CBL: variants seen among roughly 807,000 people sequenced by gnomAD.
The protein encoded by CBL is E3 ubiquitin-protein ligase CBL.
In CBL, 45 loss-of-function variants were observed where a neutral mutation model predicts 96.9. That is an observed-to-expected ratio of 0.46 (90% confidence interval 0.37 to 0.60). The LOEUF is 0.60. CBL is among the 20% of genes least tolerant of loss of function. CBL has a pLI of 0.00. For synonymous variants in CBL, 420 were observed against 426.8 expected (o/e 0.98, Z 0.20); for missense variants, 1,024 against 1,143.5 (o/e 0.90, Z 1.51).
intron 4 of CBL, 31 bp from the exon 5 acceptor site, chr11:119,274,801 G>C (rs2135300345): frequency 6.2e-7 from 1 of 1,604,568 alleles, no homozygotes; most frequent in Non-Finnish European, 8.5e-7. Flanking sequence ...CATCTGACCT[G>C]AATAGTCTGT....
intron 2 of CBL, among the ~76,000 whole-genome samples, chr11:119,250,394 T>C (rs939836333): frequency 4.6e-5 from 7 of 152,200 alleles, no homozygotes; most frequent in African/African-American, 1.7e-4. Context: ...GAAGGTCCCC[T>C]CTGTAGCTCT....
intron 2 of CBL, among the ~76,000 whole-genome samples, chr11:119,240,523 C>T (rs959233838): frequency 1.3e-5 from 2 of 152,132 alleles, no homozygotes; most frequent in Non-Finnish European, 2.9e-5. Flanking sequence ...AGAGTTTCTG[C>T]TGTAGCAGAA....
intron 1 of CBL, among the ~76,000 whole-genome samples, chr11:119,216,050 C>T (rs563893198): frequency 1.3e-5 from 2 of 152,256 alleles, no homozygotes; most frequent in African/African-American, 4.8e-5. Flanking sequence ...ACTGGGGATC[C>T]CAGCACTGGG....
At chr11:119,256,081 T>G (rs1949708724) in intron 2 of CBL, among the ~76,000 whole-genome samples, 1 of 151,828 alleles carries the variant, frequency 6.6e-6, no homozygotes, top group African/African-American at 2.4e-5. Context: ...ATTCAGTATT[T>G]ATGGAGTGAA....
intron 2 of CBL, among the ~76,000 whole-genome samples, chr11:119,270,454 T>A (rs1949837052): frequency 9.6e-6 from 1 of 103,776 alleles, no homozygotes; most frequent in Non-Finnish European, 2.0e-5. Flanking sequence ...TTTTTTTTTT[T>A]TTTTTTTTTT....
intron 4 of CBL, 121 bp from the exon 5 acceptor site, chr11:119,274,711 G>A (rs1949874978): frequency 1.1e-6 from 1 of 891,056 alleles, no homozygotes; most frequent in South Asian, 1.4e-5. Context: ...CTGAGTGATG[G>A]TATAATTAAA....
At chr11:119,242,218 C>CT (rs1949591667) in intron 2 of CBL, among the ~76,000 whole-genome samples, 1 of 151,972 alleles carries the variant, frequency 6.6e-6, no homozygotes, top group South Asian at 2.1e-4. Context: ...ATTTGGGAGA[C>CT]TAAGGAGGAT....
chr11:119,249,512 A>G (rs1949655275), intron 2 of CBL, among the ~76,000 whole-genome samples: 1 of 149,052 alleles, frequency 6.7e-6, no homozygotes. Flanking sequence ...GTGAGACGCC[A>G]CTGCACTCCA....
rs1039450765 is a variant in CBL at position 119,304,483 on chromosome 11, T to G, written c.*4702T>G. 3 of 233,214 alleles carry G rather than the reference T, an allele frequency of 1.3e-5. No individual in the cohort carries two copies. Among genetic ancestry groups the G allele is most frequent in the African/African-American group, 6.6e-5 (3 of 45,454 alleles). 14.4% of individuals were successfully genotyped at this position (233,214 alleles called of 1,614,324 possible). ...TTTGGTTCTTGGGTGGAGCTGGAAC[T>G]GCAGAGCTTTGCACCTAGTCCTTTC... On this transcript the variant is annotated 3_prime_UTR_variant, in exon 16 of 16. Coordinates refer to ENST00000264033, the MANE Select transcript of CBL (RefSeq NM_005188.4).
At chr11:119,268,426 T>G (rs1024585886) in intron 2 of CBL, among the ~76,000 whole-genome samples, 15 of 152,282 alleles carry the variant, frequency 9.9e-5, no homozygotes, top group Non-Finnish European at 1.6e-4. Context: ...TTTGAACTTG[T>G]GGGAAGTAAG....
At chr11:119,245,893 T>C (rs7114172) in intron 2 of CBL, among the ~76,000 whole-genome samples, 45,227 of 149,314 alleles carry the variant, frequency 0.3, 7,226 homozygotes, top group South Asian at 0.61. Context: ...ATAAATTAAC[T>C]AGTCTTTGGT....
At chr11:119,219,942 C>T (rs1229879940) in intron 1 of CBL, among the ~76,000 whole-genome samples, 5 of 150,308 alleles carry the variant, frequency 3.3e-5, no homozygotes, top group East Asian at 4.0e-4. Context: ...CTCCGCCTCC[C>T]GGGTTCAAGC....
In CBL at chr11:119,302,510, T is replaced by C. The variant is rs1950108283; in HGVS notation, c.*2729T>C. 4.3e-6 allele frequency: 1 copy of C among 232,852 alleles called. No individual in the cohort carries two copies. Among genetic ancestry groups the C allele is most frequent in the African/African-American group, 2.2e-5 (1 of 45,440 alleles). The allele number at this position is 232,852 out of a possible 1,614,324, so 14.4% of individuals were successfully genotyped here. ...TGCCATTTTGGGCAAGCCCTTCCGC[T>C]TGTCCCTTCCTAGTGGCTAATAAAG... On this transcript the variant is annotated 3_prime_UTR_variant, in exon 16 of 16. Transcript: ENST00000264033.
chr11:119,215,792 A>G (rs1949355095), intron 1 of CBL, among the ~76,000 whole-genome samples: 3 of 152,042 alleles, frequency 2.0e-5, no homozygotes, highest in South Asian at 2.1e-4. Flanking sequence ...GTGTCACTGC[A>G]CTCCAGCCTG....
chr11:119,247,806 C>T lies in CBL; in HGVS notation c.443+15111C>T, dbSNP rs983861777. On this transcript the variant is annotated intron_variant, in intron 2 of 15. Coordinates refer to ENST00000264033, the MANE Select transcript of CBL (RefSeq NM_005188.4). Reference sequence around the variant, plus strand: ...CAACTTGGGTGACAGAGCAAGGGTCCGTCTCAAATAAAAATTATAGTTTTA... The same window carrying T: ...CAACTTGGGTGACAGAGCAAGGGTCTGTCTCAAATAAAAATTATAGTTTTA... Among the ~76,000 whole-genome samples, 17 of 151,956 alleles carry T rather than the reference C, an allele frequency of 1.1e-4. 1 individual carries two copies. The highest frequency in any genetic ancestry group is 9.8e-4 in the Admixed American group (15 of 15,248).
At chr11:119,282,932 G>A (rs1035871190) in intron 9 of CBL, among the ~76,000 whole-genome samples, 60 of 151,208 alleles carry the variant, frequency 4.0e-4, no homozygotes, top group African/African-American at 1.4e-3. Context: ...TGCCTTCCCC[G>A]CGCCCCAAAA....
intron 1 of CBL, among the ~76,000 whole-genome samples, chr11:119,223,630 T>C (rs1301246065): frequency 3.3e-5 from 5 of 150,764 alleles, no homozygotes; most frequent in African/African-American, 4.9e-5. Context: ...TATTTTATTA[T>C]TTATTTATTT....
chr11:119,265,614 G>A (rs1041328932), intron 2 of CBL, among the ~76,000 whole-genome samples: 37 of 152,094 alleles, frequency 2.4e-4, no homozygotes, highest in Non-Finnish European at 4.3e-4. Context: ...GGCTGGGCGC[G>A]GTAGCTCACA....
Position 119,306,190 on chromosome 11 carries a change from TG to T in CBL, c.*6410del. 2.5e-6 allele frequency: 1 copy of T among 398,440 alleles called. No individual in the cohort carries two copies. The allele number at this position is 398,440 out of a possible 1,614,324, so 24.7% of individuals were successfully genotyped here. A position where few individuals can be genotyped will look rare whatever the true frequency, so the allele number is the denominator to read the frequency against. On this transcript the variant is annotated 3_prime_UTR_variant, in exon 16 of 16. Coordinates refer to ENST00000264033, the MANE Select transcript of CBL (RefSeq NM_005188.4). ...GGGGAGCACGGGTGGAAGGGCCGGC[TG>T]TTGACAGACAGACTAAGCTGTGTGG...
Sources: gnomAD v4.1 joint callset for allele counts (sites outside exome capture counted in the v4.1 genomes callset) on GRCh38, gnomAD v4.1.1 for gene constraint, MANE v1.5 for transcripts, NCBI Gene and HGNC (gene_info 2026-07-23, HGNC 2026-07-21) for gene names.